The following KRT85 variants were observed in gnomAD, a reference collection of about 807,000 sequenced individuals.
KRT85 encodes the protein keratin, type II cuticular Hb5.
In KRT85, 39 loss-of-function variants were observed where a neutral mutation model predicts 53.7. That is an observed-to-expected ratio of 0.73 (90% CI 0.56 to 0.95). The LOEUF (loss-of-function observed/expected upper bound fraction) is 0.95, where lower values mean the gene tolerates loss of function less well. Among genes scored for constraint, KRT85 ranks in the 40% least tolerant of loss-of-function variants. The pLI, the probability that KRT85 is intolerant of heterozygous loss-of-function variation, is 0.00. For missense variants in KRT85, 668 were observed against 686.0 expected (o/e 0.97, Z 0.29); for synonymous variants, 291 against 277.5 (o/e 1.05, Z -0.48).
rs990403606 is a variant in KRT85, at chr12:52,365,249, G to A, written c.421-79C>T. 36 of 1,468,172 alleles carry A rather than the reference G, an allele frequency of 2.5e-5. No individual in the cohort carries two copies. In the African/African-American group the frequency reaches 4.9e-4, roughly 20 times the overall value. The allele number at this position is 1,468,172 out of a possible 1,614,324, so 90.9% of individuals were successfully genotyped here. A position where few individuals can be genotyped will look rare whatever the true frequency, so the allele number is the denominator to read the frequency against. The stretch of plus-strand genomic sequence containing the variant: ...GTCCCCCACAGTCTCTCTGCCCTCG[G>A]GTGCTGGCTGAATGGGCTGAGCCAT... On this transcript the variant is annotated intron_variant, in intron 1 of 8. Transcript: ENST00000257901.
Position 52,364,110 on chromosome 12 carries a change from G to A in KRT85, c.744C>T (p.Ala248=). 1.2e-6 allele frequency: 2 copies of A among 1,614,044 alleles called. No homozygotes were observed. Among genetic ancestry groups the A allele is most frequent in the South Asian group, 2.2e-5 (2 of 91,070 alleles). The part of the protein sequence containing the change: ...RKSDLEANVE[A]LVEESSFLRR... ...TCAGGAAGCTAGACTCCTCCACCAG[G>A]GCCTCCACATTGGCCTCCAGGTCTG... Residue 248 remains alanine (A), a synonymous_variant, in exon 4 of 9, where the codon GCC becomes GCT. Transcript: ENST00000257901.
At position 52,367,107 on chromosome 12, in the gene KRT85, A is replaced by G; in HGVS notation, c.299T>C (p.Val100Ala). ...GAGGGGCGTGAGGAGGCTCTCGTTG[A>G]CCGACACGGTAGTGATGCATGGGGG... ...PSPPCITTVS[V>A]NESLLTPLNL... The change falls in exon 1 of 9, where the codon GTC becomes GCC. Residue 100 changes from valine (V) to alanine (A), a missense_variant. By Grantham distance (64) the Val-to-Ala change is moderately conservative. This residue lies in a region of KRT85 where 158 missense variants were observed against 141.8 expected (regional missense o/e 1.11). Transcript: ENST00000257901. 1 of 1,613,254 alleles carries G rather than the reference A, an allele frequency of 6.2e-7. No homozygotes were observed.
rs146156786 is a variant in KRT85 at position 52,363,750 on chromosome 12, G to A, written c.786+318C>T. 1.3e-3 allele frequency among the ~76,000 whole-genome samples: 199 copies of A among 152,242 alleles called. 3 individuals carry two copies. In the East Asian group the frequency reaches 0.02, roughly 15 times the overall value. On this transcript the variant is annotated intron_variant, in intron 4 of 8. Coordinates refer to ENST00000257901, the MANE Select transcript of KRT85 (RefSeq NM_002283.4). ...TTAATGAGGACCATGCCCTATGTGC[G>A]AAGCCATCCTGACCCCCACCACACA...
At chr12:52,361,931 A>G (rs576566199) in intron 7 of KRT85, among the ~76,000 whole-genome samples, 2 of 152,294 alleles carry the variant, frequency 1.3e-5, no homozygotes, top group East Asian at 3.9e-4. Context: ...TTTGGGAGGC[A>G]TGAGACTTGG....
intron 4 of KRT85, among the ~76,000 whole-genome samples, chr12:52,363,772 C>T (rs945135720): frequency 6.6e-6 from 1 of 152,188 alleles, no homozygotes; most frequent in Admixed American, 6.5e-5. Flanking sequence ...ACCCCCACCA[C>T]ACATGCACAC....
chr12:52,363,430 T>C lies in KRT85; in HGVS notation c.787-20A>G. Reference sequence around the variant, plus strand: ...GATCTCCTGTGGGGCCAACAGCCAGTGCATTTGCTTCTAGTGCCTGATCTG... The same window carrying C: ...GATCTCCTGTGGGGCCAACAGCCAGCGCATTTGCTTCTAGTGCCTGATCTG... On this transcript the variant is annotated intron_variant, in intron 4 of 8. Transcript: ENST00000257901. The C allele has an allele frequency of 6.2e-7, 1 of 1,614,072 alleles. No individual in the cohort carries two copies. Among genetic ancestry groups the C allele is most frequent in the South Asian group, 1.1e-5 (1 of 91,052 alleles).
intron 1 of KRT85, among the ~76,000 whole-genome samples, chr12:52,365,762 C>T (rs1939261981): frequency 6.6e-6 from 1 of 152,172 alleles, no homozygotes; most frequent in African/African-American, 2.4e-5. Flanking sequence ...CCATGTTGCA[C>T]ATGGGGAAAT....
At chr12:52,363,960 A>C in intron 4 of KRT85, 108 bp downstream of exon 4, 1 of 883,646 alleles carries the variant, frequency 1.1e-6, no homozygotes, top group Non-Finnish European at 1.9e-6. Context: ...TCACACTTAC[A>C]TTGCACATTG....
rs373479477 is a variant in KRT85, at chr12:52,363,402, G to A, written c.795C>T (p.Arg265=). 6 of 1,614,040 alleles carry A rather than the reference G, an allele frequency of 3.7e-6. No homozygotes were observed. The highest frequency in any genetic ancestry group is 1.3e-5 in the African/African-American group (1 of 74,896). The change falls in exon 5 of 9, where the codon CGC becomes CGT. Residue 265 remains arginine (R), a synonymous_variant. Transcript: ENST00000257901. ...FLRRLYEEEI[R]VLQAHISDTS... ...TGTCTGAGATGTGGGCTTGGAGAAC[G>A]CGGATCTCCTGTGGGGCCAACAGCC... is the stretch of plus-strand genomic sequence containing the variant.
In KRT85 at chr12:52,367,007, C is replaced by T. The variant is rs971105930; in HGVS notation, c.399G>A (p.Arg133=). The T allele has an allele frequency of 4.3e-6, 7 of 1,613,980 alleles. No homozygotes were observed. The highest frequency in any genetic ancestry group is 5.1e-6 in the Non-Finnish European group (6 of 1,179,880). The change falls in exon 1 of 9, where the codon AGG becomes AGA. Residue 133 remains arginine, a synonymous_variant. Coordinates refer to ENST00000257901, the MANE Select transcript of KRT85 (RefSeq NM_002283.4). ...CCACCTTGTCGATGAAGGCCGCGAA[C>T]CTGCTGTTGAGGGACTTGATCTGCT... ...EKEQIKSLNS[R]FAAFIDKVRF... is the part of the protein sequence containing the mutation.
At chr12:52,361,362 T>C (rs1460703303) in intron 8 of KRT85, 105 bp downstream of exon 8, 6 of 1,066,434 alleles carry the variant, frequency 5.6e-6, no homozygotes, top group Non-Finnish European at 8.8e-6. Context: ...CAGGGGAGGG[T>C]GAAACAGTTG....
chr12:52,362,867 T>C lies in KRT85; in HGVS notation c.1064A>G (p.Asn355Ser). Reference protein sequence around the residue: ...MIQRLTAEIENAKCQRAKLEA... With the variant: ...MIQRLTAEIESAKCQRAKLEA... ...CACAGACCCCACCTGGCACTTGGCATTCTCAATCTCGGCCGTCAGCCTCTG... is the reference window on the plus strand; with the variant it reads ...CACAGACCCCACCTGGCACTTGGCACTCTCAATCTCGGCCGTCAGCCTCTG... The change falls in exon 6 of 9, where the codon AAT becomes AGT. Residue 355 changes from asparagine to serine, a missense_variant. Asn to Ser is a conservative substitution (Grantham distance 46). This residue lies in a region of KRT85 where 488 missense variants were observed against 498.1 expected (regional missense o/e 0.98). Transcript: ENST00000257901. The C allele has an allele frequency of 6.2e-7, 1 of 1,614,170 alleles. No homozygotes were observed. The highest frequency in any genetic ancestry group is 1.1e-5 in the South Asian group (1 of 91,076).
chr12:52,364,517 A>T (rs1157931376), intron 2 of KRT85, 151 bp from the exon 3 acceptor site: 3 of 1,514,732 alleles, frequency 2.0e-6, no homozygotes, highest in Non-Finnish European at 1.8e-6. Context: ...TGTATTATTC[A>T]TGGGCCAGCC....
At chr12:52,361,134 C>T (rs1939184872) in intron 8 of KRT85, 88 bp from the exon 9 acceptor site, 1 of 1,174,100 alleles carries the variant, frequency 8.5e-7, no homozygotes, top group Non-Finnish European at 1.2e-6. Context: ...CAGGAGCTGC[C>T]TCCCTCTCCA....
At chr12:52,364,682 TA>T (rs1939245951) in intron 2 of KRT85, 3 of 1,433,770 alleles carry the variant, frequency 2.1e-6, no homozygotes, top group Non-Finnish European at 2.7e-6. Context: ...GCCCATGTCA[TA>T]AAGGTAAGCT....
chr12:52,365,051 C>T lies in KRT85; in HGVS notation c.540G>A (p.Arg180=), dbSNP rs1437154640. 1 of 1,613,690 alleles carries T rather than the reference C, an allele frequency of 6.2e-7. No individual in the cohort carries two copies. The highest frequency in any genetic ancestry group is 1.1e-5 in the South Asian group (1 of 91,060). ...CGGCCTCCACGCACTCGGCCTCCCG[C>T]CGCAGAGTCTCGATGTAGCCACTGA... The part of the protein sequence containing the change: ...PLFSGYIETL[R]REAECVEADS... The change falls in exon 2 of 9, where the codon CGG becomes CGA. Residue 180 remains arginine, a synonymous_variant. Coordinates refer to ENST00000257901, the MANE Select transcript of KRT85 (RefSeq NM_002283.4).
At chr12:52,362,795 T>C in intron 6 of KRT85, 59 bp downstream of exon 6, 1 of 1,613,910 alleles carries the variant, frequency 6.2e-7, no homozygotes, top group Non-Finnish European at 8.5e-7. Flanking sequence ...TGAAGCCTGA[T>C]TAGGGCCAGG....
In KRT85 at chr12:52,367,407, G is replaced by C. The variant is rs527262540; in HGVS notation, c.-2C>G. 27 of 1,613,906 alleles carry C rather than the reference G, an allele frequency of 1.7e-5. No individual in the cohort carries two copies. Among genetic ancestry groups the C allele is most frequent in the Admixed American group, 6.7e-5 (4 of 59,998 alleles). On this transcript the variant is annotated 5_prime_UTR_variant, in exon 1 of 9. Transcript: ENST00000257901. ...GATCCTGTAGGAGCGGCACGACATCGTGTGAGGCTGAGCAGAGTCTGAGAG... is the reference window on the plus strand; with the variant it reads ...GATCCTGTAGGAGCGGCACGACATCCTGTGAGGCTGAGCAGAGTCTGAGAG...
At chr12:52,364,044 G>A (rs1232953832) in intron 4 of KRT85, 24 bp downstream of exon 4, 2 of 1,586,044 alleles carry the variant, frequency 1.3e-6, no homozygotes, top group Non-Finnish European at 1.7e-6. Flanking sequence ...ACCTGCCCTG[G>A]CTGGGTGGCA....
Sources: gnomAD v4.1 joint callset for allele counts (sites outside exome capture counted in the v4.1 genomes callset) on GRCh38, gnomAD v4.1.1 for gene constraint, gnomAD v4.1.1 regional missense constraint, MANE v1.5 for transcripts, NCBI Gene and HGNC (gene_info 2026-07-23, HGNC 2026-07-21) for gene names.